The following PRMT7 variants were observed in gnomAD, a reference collection of about 807,000 sequenced individuals.
The protein encoded by PRMT7 is protein arginine N-methyltransferase 7.
In PRMT7, 75 loss-of-function variants were observed where a neutral mutation model predicts 85.4. The ratio of observed to expected loss-of-function variants is 0.88; its 90% CI spans 0.73 to 1.06. PRMT7 has a LOEUF of 1.06. PRMT7 is among the 50% of genes least tolerant of loss of function. The pLI is 0.00. For missense variants in PRMT7, 868 were observed against 915.2 expected, an observed-to-expected ratio of 0.95 and a Z score of 0.67; for synonymous variants, 397 against 359.5, an observed-to-expected ratio of 1.10 and a Z score of -1.18.
At chr16:68,331,184 A>G (rs1426330746) in intron 6 of PRMT7, among the ~76,000 whole-genome samples, 1 of 152,132 alleles carries the variant, frequency 6.6e-6, no homozygotes, top group Non-Finnish European at 1.5e-5. Flanking sequence ...GATTTCAAGG[A>G]AGTGGAATCA....
At chr16:68,330,887 G>A (rs771213759) in intron 6 of PRMT7, among the ~76,000 whole-genome samples, 21 of 152,086 alleles carry the variant, frequency 1.4e-4, no homozygotes, top group African/African-American at 4.8e-5. Flanking sequence ...GAGCCACCGC[G>A]CCCGGCCTAT....
chr16:68,340,562 T>G (rs2085356767), intron 9 of PRMT7, among the ~76,000 whole-genome samples: 1 of 141,898 alleles, frequency 7.0e-6, no homozygotes, highest in Non-Finnish European at 1.5e-5. Context: ...GCCTGGGCAA[T>G]AAGATGAGAA....
intron 4 of PRMT7, chr16:68,321,674 A>T (rs1441645628): frequency 2.1e-6 from 1 of 484,424 alleles, no homozygotes; most frequent in African/African-American, 2.0e-5. Context: ...ACTGACAAAT[A>T]AAAATGGTCT....
At chr16:68,340,735 A>G (rs1410956909) in intron 9 of PRMT7, among the ~76,000 whole-genome samples, 2 of 152,248 alleles carry the variant, frequency 1.3e-5, no homozygotes, top group Non-Finnish European at 2.9e-5. Context: ...TCAGGTAGAA[A>G]GCAATGCTGC....
At chr16:68,338,420 C>G (rs3785114) in intron 7 of PRMT7, among the ~76,000 whole-genome samples, 119,063 of 151,614 alleles carry the variant, frequency 0.79, 47,533 homozygotes, top group African/African-American at 0.94. Context: ...TTCTGGTTTA[C>G]ACAGAGTTTG....
At chr16:68,318,216 T>C (rs75977482) in intron 3 of PRMT7, among the ~76,000 whole-genome samples, 2 of 151,764 alleles carry the variant, frequency 1.3e-5, no homozygotes, top group Admixed American at 6.6e-5. Flanking sequence ...TTTTTTTTTT[T>C]TGAGACAGAG....
rs182368813 is a variant in PRMT7 at position 68,348,811 on chromosome 16, G to T, written c.1413+380G>T. Among the ~76,000 whole-genome samples the T allele has an allele frequency of 1.1e-3, 163 of 145,708 alleles. 2 individuals carry two copies. The highest frequency in any genetic ancestry group is 1.9e-3 in the Non-Finnish European group (129 of 66,490). The stretch of plus-strand genomic sequence containing the variant: ...GTGCCATTATGCCTGGCTAATTTTT[G>T]TATTTTTTGTAGAGTCAGCGTTTCA... On this transcript the variant is annotated intron_variant, in intron 14 of 18. Coordinates refer to ENST00000441236, the MANE Select transcript of PRMT7 (RefSeq NM_019023.5).
intron 7 of PRMT7, among the ~76,000 whole-genome samples, chr16:68,338,119 T>G (rs1202489807): frequency 1.3e-5 from 2 of 152,058 alleles, no homozygotes; most frequent in Non-Finnish European, 2.9e-5. Context: ...AGCAGAGGAT[T>G]GACAGCAGAC....
At chr16:68,329,027 A>C in intron 5 of PRMT7, 39 bp from the exon 6 acceptor site, 1 of 1,421,412 alleles carries the variant, frequency 7.0e-7, no homozygotes, top group East Asian at 2.3e-5. Context: ...TGTTTAATTT[A>C]TTGCTCATTT....
At chr16:68,320,020 G>C (rs2082312063) in intron 3 of PRMT7, among the ~76,000 whole-genome samples, 1 of 152,178 alleles carries the variant, frequency 6.6e-6, no homozygotes, top group South Asian at 2.1e-4. Flanking sequence ...AACGTGCCCA[G>C]TGGGGTACCT....
rs1283069833 is a variant in PRMT7, at chr16:68,327,575, C to T, written c.283-1491C>T. On this transcript the variant is annotated intron_variant, in intron 5 of 18. Coordinates refer to ENST00000441236, the MANE Select transcript of PRMT7 (RefSeq NM_019023.5). The stretch of plus-strand genomic sequence containing the variant: ...GGAAGACTGGGAAGGTAAGGGAGGG[C>T]CTCCAAAGCAGTAGTTTCCCCTTAT... Among the ~76,000 whole-genome samples the T allele has an allele frequency of 2.0e-5, 3 of 152,046 alleles. No individual in the cohort carries two copies. The East Asian group carries it at 5.8e-4, about 29-fold the overall frequency.
chr16:68,338,491 A>AGGG (rs1300190303), intron 7 of PRMT7, among the ~76,000 whole-genome samples: 1 of 151,954 alleles, frequency 6.6e-6, no homozygotes, highest in Non-Finnish European at 1.5e-5. Context: ...CTCAGTGAAG[A>AGGG]GGGCATGGTT....
chr16:68,325,845 T>C (rs2083051871), intron 5 of PRMT7, among the ~76,000 whole-genome samples: 1 of 152,152 alleles, frequency 6.6e-6, no homozygotes, highest in Non-Finnish European at 1.5e-5. Context: ...TAACAGATTT[T>C]GATTTAACTT....
intron 5 of PRMT7, 37 bp from the exon 6 acceptor site, chr16:68,329,029 T>A (rs1371769396): frequency 2.1e-6 from 3 of 1,427,838 alleles, no homozygotes; most frequent in African/African-American, 1.4e-5. Context: ...TTTAATTTAT[T>A]GCTCATTTTT....
chr16:68,334,180 T>TG (rs1384400142), intron 6 of PRMT7, among the ~76,000 whole-genome samples: 1 of 152,240 alleles, frequency 6.6e-6, no homozygotes, highest in Non-Finnish European at 1.5e-5. Context: ...CCTGAGGTCA[T>TG]GCACTGCGTG....
At chr16:68,333,105 G>A (rs1012153524) in intron 6 of PRMT7, among the ~76,000 whole-genome samples, 45 of 152,194 alleles carry the variant, frequency 3.0e-4, no homozygotes, top group African/African-American at 8.9e-4. Flanking sequence ...TGATCCTCCT[G>A]CCTCAGCCTC....
chr16:68,356,755 G>A lies in PRMT7; in HGVS notation c.1866G>A (p.Glu622=). The part of the protein sequence containing the change: ...VLWMEYHLTP[E]CTLSTGLLEP... ...GGATGGAGTACCACCTGACCCCGGA[G>A]TGCACGCTCAGCACTGGCCTCCTGG... The change falls in exon 18 of 19, where the codon GAG becomes GAA. Residue 622 remains glutamate (E), a synonymous_variant. Transcript: ENST00000441236. The A allele has an allele frequency of 1.2e-6, 2 of 1,611,306 alleles. No homozygotes were observed. The highest frequency in any genetic ancestry group is 1.7e-6 in the Non-Finnish European group (2 of 1,179,830).
At chr16:68,355,351 C>A (rs1019156173) in intron 16 of PRMT7, 2 of 172,182 alleles carry the variant, frequency 1.2e-5, no homozygotes, top group African/African-American at 4.7e-5. Context: ...TGTACTGTCA[C>A]GCATTTATCC....
At chr16:68,312,999 A>G (rs2044143966) in intron 2 of PRMT7, among the ~76,000 whole-genome samples, 1 of 152,060 alleles carries the variant, frequency 6.6e-6, no homozygotes, top group Non-Finnish European at 1.5e-5. Context: ...AATTTTTTGT[A>G]TTTTTAGTAG....
Sources: allele counts gnomAD v4.1 joint callset (sites outside exome capture counted in the v4.1 genomes callset), GRCh38; gene constraint gnomAD v4.1.1; transcripts MANE v1.5; gene names NCBI Gene and HGNC (gene_info 2026-07-23, HGNC 2026-07-21).